Variants in TRHDE observed in about 807,000 individuals in gnomAD.
TRHDE encodes the protein thyrotropin releasing hormone degrading enzyme, also known as thyrotropin-releasing hormone-degrading ectoenzyme.
TRHDE carries 72 observed loss-of-function variants against 125.7 expected under a neutral mutation model. The ratio of observed to expected loss-of-function variants is 0.57; its 90% confidence interval spans 0.47 to 0.70. The LOEUF is 0.70. TRHDE is among the 30% of genes least tolerant of loss of function. The pLI, the probability that TRHDE is intolerant of heterozygous loss-of-function variation, is 0.00. For missense variants in TRHDE, 1,110 were observed against 1,327.1 expected (o/e 0.84, Z 2.54); for synonymous variants, 509 against 509.1 (o/e 1.00, Z 0.00).
At chr12:72,165,223 A>T (rs1032264509) in intron 2 of TRHDE, among the ~76,000 whole-genome samples, 2 of 152,120 alleles carry the variant, frequency 1.3e-5, no homozygotes, top group African/African-American at 4.8e-5. Flanking sequence ...ACACCAAGGG[A>T]CTTCTGGAAT....
chr12:72,650,720 C>G (rs1390251450), intron 15 of TRHDE, among the ~76,000 whole-genome samples: 1 of 151,886 alleles, frequency 6.6e-6, no homozygotes, highest in African/African-American at 2.4e-5. Flanking sequence ...TTTTTATTCA[C>G]TCTTTTGGCA....
At chr12:72,322,003 A>T (rs985049458) in intron 2 of TRHDE, among the ~76,000 whole-genome samples, 1 of 152,102 alleles carries the variant, frequency 6.6e-6, no homozygotes, top group Non-Finnish European at 1.5e-5. Context: ...AGAAAATAGG[A>T]CACAGTTTAT....
At chr12:72,338,178 A>G (rs542683758) in intron 2 of TRHDE, among the ~76,000 whole-genome samples, 4 of 152,334 alleles carry the variant, frequency 2.6e-5, no homozygotes, top group South Asian at 4.1e-4. Flanking sequence ...ATTGATGCCA[A>G]GCTTTTCCTC....
At chr12:72,421,152 A>C (rs947742835) in intron 3 of TRHDE, among the ~76,000 whole-genome samples, 7 of 152,116 alleles carry the variant, frequency 4.6e-5, no homozygotes, top group African/African-American at 1.4e-4. Flanking sequence ...CTCAGATTCA[A>C]CCAACTCAAA....
At chr12:72,287,947 CTT>C (rs111979925) in intron 2 of TRHDE, among the ~76,000 whole-genome samples, 30 of 144,764 alleles carry the variant, frequency 2.1e-4, no homozygotes, top group Non-Finnish European at 3.7e-4. Context: ...TAAGATTCCA[CTT>C]TTTTTTTTTT....
chr12:72,277,146 C>A (rs1401012607), intron 1 of TRHDE, among the ~76,000 whole-genome samples: 1 of 152,060 alleles, frequency 6.6e-6, no homozygotes, highest in Non-Finnish European at 1.5e-5. Flanking sequence ...AATATGAGGT[C>A]CTTTTCTATA....
At chr12:72,530,073 T>G (rs1868465109) in intron 6 of TRHDE, among the ~76,000 whole-genome samples, 2 of 152,160 alleles carry the variant, frequency 1.3e-5, no homozygotes, top group Admixed American at 1.3e-4. Context: ...GTTTCTTGTC[T>G]TTTGAAACAT....
chr12:72,591,329 A>G (rs576393881), intron 12 of TRHDE, among the ~76,000 whole-genome samples: 1 of 152,304 alleles, frequency 6.6e-6, no homozygotes, highest in South Asian at 2.1e-4. Flanking sequence ...GCATTACTCT[A>G]CATACTATAA....
chr12:72,619,125 G>A, intron 13 of TRHDE, 87 bp downstream of exon 13: 1 of 1,028,820 alleles, frequency 9.7e-7, no homozygotes, highest in Admixed American at 3.7e-5. Flanking sequence ...CTGATGCCAA[G>A]TTATTTTAGT....
chr12:72,339,935 G>A (rs1346422336), intron 2 of TRHDE, among the ~76,000 whole-genome samples: 1 of 152,168 alleles, frequency 6.6e-6, no homozygotes, highest in Non-Finnish European at 1.5e-5. Context: ...CTGATGTAAA[G>A]ATAGACAGGT....
At chr12:72,191,112 G>T (rs999483621) in intron 2 of TRHDE, among the ~76,000 whole-genome samples, 2 of 152,180 alleles carry the variant, frequency 1.3e-5, no homozygotes, top group African/African-American at 4.8e-5. Context: ...TAAGACAGTG[G>T]TTGGACATTC....
chr12:72,266,881 A>G (rs924174010), intron 2 of TRHDE, among the ~76,000 whole-genome samples: 6 of 152,106 alleles, frequency 3.9e-5, no homozygotes, highest in Non-Finnish European at 8.8e-5. Flanking sequence ...AAGTGGAGGA[A>G]ATAATAGCAT....
chr12:72,428,412 A>G (rs1236687083), intron 3 of TRHDE, among the ~76,000 whole-genome samples: 1 of 152,072 alleles, frequency 6.6e-6, no homozygotes, highest in Admixed American at 6.6e-5. Context: ...GTGTATATGT[A>G]TATATTTATG....
Position 72,280,487 on chromosome 12 carries a change from C to T in TRHDE, c.915-6194C>T, listed in dbSNP as rs369475927. The stretch of plus-strand genomic sequence containing the variant: ...TTTGGCTGCTGTTTGTTTTTACCAC[C>T]TAAGCAGAGTTCAAAAGACAGGGAA... On this transcript the variant is annotated intron_variant, in intron 1 of 18. Transcript: ENST00000261180. Among the ~76,000 whole-genome samples the T allele has an allele frequency of 5.9e-5, 9 of 152,162 alleles. No homozygotes were observed. In the East Asian group the frequency reaches 7.7e-4, roughly 13 times the overall value.
intron 3 of TRHDE, among the ~76,000 whole-genome samples, chr12:72,426,998 A>G (rs1287807919): frequency 1.3e-5 from 2 of 152,084 alleles, no homozygotes; most frequent in Non-Finnish European, 2.9e-5. Flanking sequence ...CCAGAACACT[A>G]AAAGTTGATC....
At chr12:72,209,438 A>T (rs558257011) in intron 2 of TRHDE, among the ~76,000 whole-genome samples, 15 of 152,340 alleles carry the variant, frequency 9.8e-5, no homozygotes, top group African/African-American at 3.6e-4. Context: ...TTTGGGGAAA[A>T]GGAACAAACC....
chr12:72,386,673 C>G (rs762546993), intron 3 of TRHDE, among the ~76,000 whole-genome samples: 5 of 152,068 alleles, frequency 3.3e-5, no homozygotes, highest in Admixed American at 6.6e-5. Context: ...TTGAATTTCT[C>G]TCTTGTCTTT....
At chr12:72,595,369 A>G (rs1009413683) in intron 12 of TRHDE, among the ~76,000 whole-genome samples, 38 of 152,218 alleles carry the variant, frequency 2.5e-4, no homozygotes, top group African/African-American at 5.5e-4. Flanking sequence ...ATTTGTCTTC[A>G]GAACTTTCAT....
At chr12:72,189,601 G>T (rs1187563444) in intron 2 of TRHDE, among the ~76,000 whole-genome samples, 2 of 152,172 alleles carry the variant, frequency 1.3e-5, no homozygotes, top group African/African-American at 4.8e-5. Context: ...AAATGTAGGG[G>T]CTAGTTACCT....
Sources: gnomAD v4.1 joint callset for allele counts (sites outside exome capture counted in the v4.1 genomes callset) on GRCh38, gnomAD v4.1.1 for gene constraint, MANE v1.5 for transcripts, NCBI Gene and HGNC (gene_info 2026-07-23, HGNC 2026-07-21) for gene names.